The following DPP10 variants were observed in gnomAD, a reference collection of about 807,000 sequenced individuals.
DPP10 encodes the protein dipeptidyl peptidase like 10, also known as inactive dipeptidyl peptidase 10.
DPP10 carries 33 observed loss-of-function variants against 120.9 expected under a neutral mutation model. That is an observed-to-expected ratio of 0.27 (90% CI 0.21 to 0.37). The LOEUF (loss-of-function observed/expected upper bound fraction) is 0.37. DPP10 is among the 10% of genes least tolerant of loss of function. The pLI is 1.00. For missense variants in DPP10, 816 were observed against 942.8 expected, an observed-to-expected ratio of 0.87 and a Z score of 1.76; for synonymous variants, 337 against 326.1, an observed-to-expected ratio of 1.03 and a Z score of -0.36.
intron 11 of DPP10, among the ~76,000 whole-genome samples, chr2:115,761,828 T>C (rs1377521940): frequency 6.6e-6 from 1 of 152,150 alleles, no homozygotes; most frequent in African/African-American, 2.4e-5. Flanking sequence ...CCTCTGCATA[T>C]AGGAAAGCCC....
rs116325720 is a variant in DPP10 at position 115,627,776 on chromosome 2, A to T, written c.442-61911A>T. On this transcript the variant is annotated intron_variant, in intron 5 of 25. Transcript: ENST00000410059. The stretch of plus-strand genomic sequence containing the variant: ...CTCCCACTTAGAAATGAGAAGAGGC[A>T]GTGTTTTGTTTTCTGTTCCTGTGTT... 6.1e-3 allele frequency among the ~76,000 whole-genome samples: 927 copies of T among 152,100 alleles called. 9 individuals carry two copies. The highest frequency in any genetic ancestry group is 0.021 in the African/African-American group (879 of 41,524).
intron 19 of DPP10, among the ~76,000 whole-genome samples, chr2:115,797,163 A>G (rs999772697): frequency 3.3e-5 from 5 of 152,090 alleles, no homozygotes; most frequent in Non-Finnish European, 7.4e-5. Flanking sequence ...TATTGATTAT[A>G]CAAATCATGA....
intron 1 of DPP10, among the ~76,000 whole-genome samples, chr2:115,287,088 A>C (rs974088530): frequency 3.3e-5 from 5 of 152,006 alleles, no homozygotes; most frequent in Non-Finnish European, 7.4e-5. Flanking sequence ...AAAATGTATG[A>C]CTGTAGAGTT....
chr2:115,724,046 T>A (rs2092710270), intron 7 of DPP10, among the ~76,000 whole-genome samples: 1 of 152,214 alleles, frequency 6.6e-6, no homozygotes, highest in East Asian at 1.9e-4. Context: ...TATGTATCTT[T>A]TATTTTGTGT....
chr2:114,924,142 G>A lies in DPP10; in HGVS notation c.61-385097G>A, dbSNP rs142604467. ...TACAGACTCCTCTAGACATTTAGCTGGAACTGCCATGTGTTTTCCCTAAAA... is the reference window on the plus strand; with the variant it reads ...TACAGACTCCTCTAGACATTTAGCTAGAACTGCCATGTGTTTTCCCTAAAA... On this transcript the variant is annotated intron_variant, in intron 1 of 25. Transcript: ENST00000410059. Among the ~76,000 whole-genome samples the A allele has an allele frequency of 2.6e-4, 40 of 152,298 alleles. 2 individuals are homozygous for A. Among genetic ancestry groups the A allele is most frequent in the African/African-American group, 9.1e-4 (38 of 41,580 alleles).
At position 115,092,917 on chromosome 2, in the gene DPP10, A is replaced by G. The variant is rs150917966; in HGVS notation, c.61-216322A>G. On this transcript the variant is annotated intron_variant, in intron 1 of 25. Transcript: ENST00000410059. ...GACTTTTAGGCAGTCTAGAGTGAGC[A>G]GTAAAAGAAATTAAAGCTGAAACAG... 6.1e-3 allele frequency among the ~76,000 whole-genome samples: 927 copies of G among 152,322 alleles called. 12 individuals are homozygous for G. The highest frequency in any genetic ancestry group is 0.021 in the African/African-American group (862 of 41,596).
chr2:115,444,261 T>C (rs1558668611), intron 3 of DPP10, among the ~76,000 whole-genome samples: 1 of 152,224 alleles, frequency 6.6e-6, no homozygotes, highest in Non-Finnish European at 1.5e-5. Context: ...AATACTCTTA[T>C]ATATTAATCC....
chr2:114,893,918 T>A (rs1380877640), intron 1 of DPP10, among the ~76,000 whole-genome samples: 1 of 152,196 alleles, frequency 6.6e-6, no homozygotes, highest in African/African-American at 2.4e-5. Flanking sequence ...ATCTTCTGAG[T>A]ACATACTAAT....
intron 1 of DPP10, among the ~76,000 whole-genome samples, chr2:114,683,727 G>A (rs958741804): frequency 2.0e-5 from 3 of 151,798 alleles, no homozygotes; most frequent in African/African-American, 7.3e-5. Flanking sequence ...ACTACTTGAG[G>A]ACAGTGCAGC....
intron 1 of DPP10, among the ~76,000 whole-genome samples, chr2:114,449,502 G>T (rs1678132788): frequency 6.7e-6 from 1 of 149,924 alleles, no homozygotes; most frequent in South Asian, 2.1e-4. Context: ...CCACTGGGAA[G>T]AAAAGTAAAA....
At chr2:114,746,798 A>G (rs1678622709) in intron 1 of DPP10, among the ~76,000 whole-genome samples, 1 of 152,198 alleles carries the variant, frequency 6.6e-6, no homozygotes, top group Non-Finnish European at 1.5e-5. Context: ...TGGAAATGGA[A>G]ACCTGAATGA....
Position 114,574,480 on chromosome 2 carries a change from C to A in DPP10, c.60+131642C>A, listed in dbSNP as rs1689905929. ...CACTGTGGACAGGCCTGCTTGGAGG[C>A]CCTGTCTGCTGAGCCTTGGGAATGT... On this transcript the variant is annotated intron_variant, in intron 1 of 25. Transcript: ENST00000410059. Among the ~76,000 whole-genome samples, 4 of 152,306 alleles carry A rather than the reference C, an allele frequency of 2.6e-5. No homozygotes were observed. The South Asian group carries it at 8.3e-4, about 32-fold the overall frequency.
At chr2:115,384,699 GA>G (rs1355463229) in intron 3 of DPP10, among the ~76,000 whole-genome samples, 1,669 of 133,164 alleles carry the variant, frequency 0.013, 26 homozygotes, top group African/African-American at 0.052. Flanking sequence ...AGAAGAAAAA[GA>G]AAGAAGAAAG....
intron 5 of DPP10, among the ~76,000 whole-genome samples, chr2:115,640,651 A>G (rs2086708504): frequency 6.6e-6 from 1 of 152,178 alleles, no homozygotes; most frequent in Non-Finnish European, 1.5e-5. Flanking sequence ...ATCAGATCGC[A>G]GCTGTAAAGA....
At chr2:115,023,316 C>A (rs1703210712) in intron 1 of DPP10, among the ~76,000 whole-genome samples, 2 of 151,076 alleles carry the variant, frequency 1.3e-5, no homozygotes, top group South Asian at 4.2e-4. Context: ...ACAATCCCAT[C>A]TAAGAGTGGG....
chr2:115,403,371 T>C lies in DPP10; in HGVS notation c.271+59459T>C, dbSNP rs868307663. Among the ~76,000 whole-genome samples, 9 of 141,294 alleles carry C rather than the reference T, an allele frequency of 6.4e-5. No individual in the cohort carries two copies. The South Asian group carries it at 1.4e-3, about 22-fold the overall frequency. 92.7% of individuals were successfully genotyped at this position (141,294 alleles called of 152,430 possible). A position where few individuals can be genotyped will look rare whatever the true frequency, so the allele number is the denominator to read the frequency against. On this transcript the variant is annotated intron_variant, in intron 3 of 25. Coordinates refer to ENST00000410059, the MANE Select transcript of DPP10 (RefSeq NM_020868.6). ...TCACTGTCACTACTTCTCTCTTTCTTTCTTTCCTTCTTTTTTTTTTTTTTT... is the reference window on the plus strand; with the variant it reads ...TCACTGTCACTACTTCTCTCTTTCTCTCTTTCCTTCTTTTTTTTTTTTTTT...
intron 5 of DPP10, among the ~76,000 whole-genome samples, chr2:115,578,650 G>T (rs2081831077): frequency 6.6e-6 from 1 of 152,178 alleles, no homozygotes; most frequent in East Asian, 1.9e-4. Context: ...TGCATACTCA[G>T]AACCATGATT....
intron 11 of DPP10, among the ~76,000 whole-genome samples, chr2:115,755,197 A>C (rs1679246953): frequency 6.6e-6 from 1 of 152,116 alleles, no homozygotes; most frequent in African/African-American, 2.4e-5. Context: ...TTATACAATA[A>C]CAAAGTTATT....
intron 3 of DPP10, among the ~76,000 whole-genome samples, chr2:115,378,895 A>AAT (rs1398871636): frequency 1.3e-4 from 20 of 152,144 alleles, no homozygotes; most frequent in African/African-American, 4.6e-4. Flanking sequence ...CATCCCAGGG[A>AAT]TGAAGCCCAC....
Sources: gnomAD v4.1 joint callset for allele counts (sites outside exome capture counted in the v4.1 genomes callset) on GRCh38, gnomAD v4.1.1 for gene constraint, MANE v1.5 for transcripts, NCBI Gene and HGNC (gene_info 2026-07-23, HGNC 2026-07-21) for gene names.